Variants in MAPKAPK2 observed in about 807,000 individuals in gnomAD.
MAPKAPK2 encodes MAP kinase-activated protein kinase 2.
Under a neutral mutation model 48.8 loss-of-function variants are expected in MAPKAPK2, and 9 were observed. The observed-to-expected ratio is 0.18, with a 90% CI of 0.11 to 0.32. The LOEUF (loss-of-function observed/expected upper bound fraction) is 0.32, where lower values mean the gene tolerates loss of function less well. Ranked by LOEUF, MAPKAPK2 falls within the 10% of genes least tolerant of loss-of-function variation. The pLI, the probability that MAPKAPK2 is intolerant of heterozygous loss-of-function variation, is 1.00. For synonymous variants in MAPKAPK2, 202 were observed against 190.6 expected, an observed-to-expected ratio of 1.06 and a Z score of -0.49; for missense variants, 331 against 498.3, an observed-to-expected ratio of 0.66 and a Z score of 3.20.
chr1:206,707,386 C>T (rs1304437126), intron 1 of MAPKAPK2, among the ~76,000 whole-genome samples: 2 of 151,924 alleles, frequency 1.3e-5, no homozygotes, highest in African/African-American at 4.8e-5. Flanking sequence ...GAGAAACATA[C>T]ATCTCTCCCT....
chr1:206,723,190 C>T lies in MAPKAPK2; in HGVS notation c.280-5520C>T, dbSNP rs879978768. 1.7e-4 allele frequency among the ~76,000 whole-genome samples: 26 copies of T among 152,200 alleles called. 1 individual carries two copies. Among genetic ancestry groups the T allele is most frequent in the Admixed American group, 1.6e-3 (25 of 15,280 alleles). On this transcript the variant is annotated intron_variant, in intron 1 of 9. Transcript: ENST00000367103. The stretch of plus-strand genomic sequence containing the variant: ...GGATGCCACAGCCTGCTTTCCTCCC[C>T]GTGTCCTGGGGTCCCCCGTCTGTCC...
rs782418133 is a variant in MAPKAPK2 at position 206,732,559 on chromosome 1, G to C, written c.1060-16G>C. On this transcript the variant is annotated splice_polypyrimidine_tract_variant and intron_variant, in intron 9 of 9. Transcript: ENST00000367103. The surrounding 1 kb of genome is among the most constrained non-coding windows in gnomAD (Gnocchi z 4.4). ...TGGCTCTCTCTGTACCCTTCCTGGT[G>C]CTGCCGTGCCCCCAGGAGGAGATGA... The C allele has an allele frequency of 2.5e-6, 4 of 1,613,258 alleles. No individual in the cohort carries two copies. In the South Asian group the frequency reaches 4.4e-5, roughly 18 times the overall value.
chr1:206,698,108 G>A (rs1553427334), intron 1 of MAPKAPK2, among the ~76,000 whole-genome samples: 1 of 152,256 alleles, frequency 6.6e-6, no homozygotes, highest in African/African-American at 2.4e-5. Context: ...AGTTTCTGCA[G>A]GACAGTGTTA....
In MAPKAPK2 at chr1:206,728,745, G is replaced by A; in HGVS notation, c.315G>A (p.Val105=). The change falls in exon 2 of 10, where the codon GTG becomes GTA. Residue 105 remains valine (V), a synonymous_variant. Coordinates refer to ENST00000367103, the MANE Select transcript of MAPKAPK2 (RefSeq NM_032960.4). ...LQDCPKARRE[V]ELHWRASQCP... Reference sequence around the variant, plus strand: ...ACTGCCCCAAGGCCCGCAGGGAGGTGGAGCTGCACTGGCGGGCCTCCCAGT... The same window carrying A: ...ACTGCCCCAAGGCCCGCAGGGAGGTAGAGCTGCACTGGCGGGCCTCCCAGT... The A allele has an allele frequency of 6.2e-7, 1 of 1,614,188 alleles. No individual in the cohort carries two copies. Among genetic ancestry groups the A allele is most frequent in the Non-Finnish European group, 8.5e-7 (1 of 1,180,026 alleles).
At chr1:206,730,789 G>GGGGGGGGC in intron 6 of MAPKAPK2, 26 bp downstream of exon 6, 1 of 1,458,556 alleles carries the variant, frequency 6.9e-7, no homozygotes. Context: ...AGGGGGCTGG[G>GGGGGGGGC]TGGGGCAGGG....
Position 206,729,990 on chromosome 1 carries a change from A to C in MAPKAPK2, c.583A>C (p.Thr195Pro), listed in dbSNP as rs531894220. The C allele has an allele frequency of 6.2e-7, 1 of 1,614,058 alleles. No homozygotes were observed. The highest frequency in any genetic ancestry group is 2.2e-5 in the East Asian group (1 of 44,876). The change falls in exon 5 of 10, where the codon ACC (threonine) becomes CCC (proline). Residue 195 changes from threonine (T) to proline (P), a missense_variant. Physicochemically the swap from Thr to Pro is conservative, Grantham distance 38. This residue lies in a region of MAPKAPK2 where 111 missense variants were observed against 193.6 expected (regional missense o/e 0.57). Transcript: ENST00000367103. Reference protein sequence around the residue: ...RDVKPENLLYTSKRPNAILKL... With the variant: ...RDVKPENLLYPSKRPNAILKL... ...TCTGTAGCCTGAGAATCTCTTATAC[A>C]CCTCCAAAAGGCCCAACGCCATCCT...
At position 206,716,019 on chromosome 1, in the gene MAPKAPK2, C is replaced by T. The variant is rs561137606; in HGVS notation, c.280-12691C>T. Among the ~76,000 whole-genome samples, 8 of 150,266 alleles carry T rather than the reference C, an allele frequency of 5.3e-5. 1 individual carries two copies. The highest frequency in any genetic ancestry group is 2.0e-4 in the African/African-American group (8 of 40,848). On this transcript the variant is annotated intron_variant, in intron 1 of 9. Transcript: ENST00000367103. ...GTCTCAGTTTTTTTTTTTTTAATTT[C>T]CCTCCTTTGAACTCTGAATTGACAA... is the stretch of plus-strand genomic sequence containing the variant.
In MAPKAPK2 at chr1:206,732,262, G is replaced by T; in HGVS notation, c.1060-313G>T. 6.8e-7 allele frequency: 1 copy of T among 1,477,532 alleles called. No homozygotes were observed. 91.5% of individuals were successfully genotyped at this position (1,477,532 alleles called of 1,614,324 possible). A position where few individuals can be genotyped will look rare whatever the true frequency, so the allele number is the denominator to read the frequency against. On this transcript the variant is annotated intron_variant, in intron 9 of 9. Transcript: ENST00000367103. This position sits in a 1 kb window ranked among gnomAD's most constrained non-coding sequence, Gnocchi z 4.4. ...GTCTGCTCAAGGTCACGCAGCTGGTGACTGGTTGGGGCAGACCGGACCCAG... is the reference window on the plus strand; with the variant it reads ...GTCTGCTCAAGGTCACGCAGCTGGTTACTGGTTGGGGCAGACCGGACCCAG...
intron 1 of MAPKAPK2, among the ~76,000 whole-genome samples, chr1:206,696,774 G>A (rs1392655676): frequency 6.6e-6 from 1 of 152,200 alleles, no homozygotes; most frequent in African/African-American, 2.4e-5. Flanking sequence ...GAATAAAGGT[G>A]TGATAACTGA....
At chr1:206,685,665 C>T (rs1672267245) in intron 1 of MAPKAPK2, among the ~76,000 whole-genome samples, 157 bp downstream of exon 1, 1 of 146,796 alleles carries the variant, frequency 6.8e-6, no homozygotes, top group South Asian at 2.1e-4. Context: ...CCGAGTGCGG[C>T]GCGGGCGGCG....
chr1:206,726,609 A>G (rs190363766), intron 1 of MAPKAPK2, among the ~76,000 whole-genome samples: 1 of 152,320 alleles, frequency 6.6e-6, no homozygotes, highest in East Asian at 1.9e-4. Flanking sequence ...AGTCTGAGAA[A>G]TCTTGGCTTC....
chr1:206,688,508 C>G (rs1672352654), intron 1 of MAPKAPK2, among the ~76,000 whole-genome samples: 1 of 152,156 alleles, frequency 6.6e-6, no homozygotes, highest in South Asian at 2.1e-4. Flanking sequence ...AGAACAGTCC[C>G]CAAAGTTGGA....
Position 206,732,831 on chromosome 1 carries a change from A to T in MAPKAPK2, c.*113A>T, listed in dbSNP as rs1315601232. On this transcript the variant is annotated 3_prime_UTR_variant, in exon 10 of 10. Coordinates refer to ENST00000367103, the MANE Select transcript of MAPKAPK2 (RefSeq NM_032960.4). The surrounding 1 kb of genome is among the most constrained non-coding windows in gnomAD (Gnocchi z 4.4). ...TCTGCCTCCTCTCCTCCTCAGCTGC[A>T]TGGAGCCTGGAACTGCATCAGTGAC... is the stretch of plus-strand genomic sequence containing the variant. 28 of 1,256,506 alleles carry T rather than the reference A, an allele frequency of 2.2e-5. No homozygotes were observed. In the South Asian group the frequency reaches 3.7e-4, roughly 17 times the overall value. The allele number at this position is 1,256,506 out of a possible 1,614,324, so 77.8% of individuals were successfully genotyped here.
Position 206,685,537 on chromosome 1 carries a change from G to C in MAPKAPK2, c.279+29G>C, listed in dbSNP as rs782301104. 4.7e-6 allele frequency: 7 copies of C among 1,478,800 alleles called. No homozygotes were observed. The South Asian group carries it at 7.3e-5, about 15-fold the overall frequency. The allele number at this position is 1,478,800 out of a possible 1,614,324, so 91.6% of individuals were successfully genotyped here. ...GGTCTGGGGCCCGGGGAGGGGAGGCGGGGCCGGTCCCGGGCCCTGGAGCTC... is the reference window on the plus strand; with the variant it reads ...GGTCTGGGGCCCGGGGAGGGGAGGCCGGGCCGGTCCCGGGCCCTGGAGCTC... On this transcript the variant is annotated intron_variant, in intron 1 of 9. Transcript: ENST00000367103.
In MAPKAPK2 at chr1:206,685,317, CA is replaced by C; in HGVS notation, c.89del (p.His30ProfsTer106). 6 of 1,328,126 alleles carry C rather than the reference CA, an allele frequency of 4.5e-6. No homozygotes were observed. The highest frequency in any genetic ancestry group is 1.6e-5 in the African/African-American group (1 of 63,868). The allele number at this position is 1,328,126 out of a possible 1,614,324, so 82.3% of individuals were successfully genotyped here. A position where few individuals can be genotyped will look rare whatever the true frequency, so the allele number is the denominator to read the frequency against. On this transcript the variant is annotated frameshift_variant, in exon 1 of 10. Coordinates refer to ENST00000367103, the MANE Select transcript of MAPKAPK2 (RefSeq NM_032960.4). LOFTEE classifies it high-confidence loss of function. Reference sequence around the variant, plus strand: ...GCAGCCCCCCACCCCTGCCCTGCCGCACCCCCCGGCGCAGCCGCCGCCGCCG... The same window carrying C: ...GCAGCCCCCCACCCCTGCCCTGCCGCCCCCCCGGCGCAGCCGCCGCCGCCG... ...PPQPPTPALP[H>X]PPAQPPPPPP...
chr1:206,730,740 C>T lies in MAPKAPK2; in HGVS notation c.744C>T (p.Ser248=), dbSNP rs1673873949. 6.2e-7 allele frequency: 1 copy of T among 1,612,334 alleles called. No homozygotes were observed. The highest frequency in any genetic ancestry group is 1.3e-5 in the African/African-American group (1 of 74,744). ...EKYDKSCDMW[S]LGVIMYILLC... ...ATGACAAGTCCTGTGACATGTGGTC[C>T]CTGGGTGTCATCATGTACATCCTGT... The change falls in exon 6 of 10, where the codon TCC becomes TCT. Residue 248 remains serine (S), a synonymous_variant. Transcript: ENST00000367103.
In MAPKAPK2 at chr1:206,685,187, G is replaced by A; in HGVS notation, c.-43G>A. 2 of 289,354 alleles carry A rather than the reference G, an allele frequency of 6.9e-6. No homozygotes were observed. Among genetic ancestry groups the A allele is most frequent in the East Asian group, 7.1e-5 (1 of 14,090 alleles). 17.9% of individuals were successfully genotyped at this position (289,354 alleles called of 1,614,324 possible). A position where few individuals can be genotyped will look rare whatever the true frequency, so the allele number is the denominator to read the frequency against. ...GGGGCCCGGAGCCGGAGGAGGGGGCGGCCGCGGGCACCCCCGCCTGTGCCC... is the reference window on the plus strand; with the variant it reads ...GGGGCCCGGAGCCGGAGGAGGGGGCAGCCGCGGGCACCCCCGCCTGTGCCC... On this transcript the variant is annotated 5_prime_UTR_variant, in exon 1 of 10. Coordinates refer to ENST00000367103, the MANE Select transcript of MAPKAPK2 (RefSeq NM_032960.4).
At chr1:206,696,310 C>CACCT (rs1553427056) in intron 1 of MAPKAPK2, 2 of 864,962 alleles carry the variant, frequency 2.3e-6, no homozygotes, top group East Asian at 4.8e-5. Context: ...GAACGCAAGG[C>CACCT]ACCTCTTTAG....
intron 1 of MAPKAPK2, chr1:206,696,252 C>G: frequency 7.3e-7 from 1 of 1,371,352 alleles, no homozygotes; most frequent in Non-Finnish European, 1.0e-6. Context: ...TCTTTTCCTT[C>G]CCCTTTCAAG....
Sources: allele counts gnomAD v4.1 joint callset (sites outside exome capture counted in the v4.1 genomes callset), GRCh38; gene constraint gnomAD v4.1.1; regional missense constraint gnomAD v4.1.1; non-coding constraint Gnocchi (gnomAD v3.1); transcripts MANE v1.5; gene names NCBI Gene and HGNC (gene_info 2026-07-23, HGNC 2026-07-21).